The following KCNIP1 variants were observed in gnomAD, a reference collection of about 807,000 sequenced individuals.
KCNIP1 encodes potassium voltage-gated channel interacting protein 1, also known as A-type potassium channel modulatory protein KCNIP1.
KCNIP1 carries 18 observed loss-of-function variants against 33.0 expected under a neutral mutation model. The observed-to-expected ratio is 0.55, with a 90% CI of 0.38 to 0.81. KCNIP1 has a LOEUF of 0.81. KCNIP1 is among the 30% of genes least tolerant of loss of function. The pLI is 0.00. For missense variants in KCNIP1, 238 were observed against 271.6 expected, an observed-to-expected ratio of 0.88 and a Z score of 0.87; for synonymous variants, 93 against 98.3, an observed-to-expected ratio of 0.95 and a Z score of 0.32.
At chr5:170,694,476 G>A (rs1317091563) in intron 1 of KCNIP1, among the ~76,000 whole-genome samples, 3 of 152,080 alleles carry the variant, frequency 2.0e-5, no homozygotes, top group Non-Finnish European at 4.4e-5. Context: ...ATGAGGAGAT[G>A]GTCTCTGTCA....
intron 1 of KCNIP1, among the ~76,000 whole-genome samples, chr5:170,554,275 T>C (rs2113431412): frequency 6.6e-6 from 1 of 152,270 alleles, no homozygotes; most frequent in Middle Eastern, 3.4e-3. Context: ...ACTGGGTTGG[T>C]GAAGACTAAG....
intron 1 of KCNIP1, among the ~76,000 whole-genome samples, chr5:170,437,022 A>G (rs949998879): frequency 4.6e-5 from 7 of 152,268 alleles, no homozygotes; most frequent in African/African-American, 1.4e-4. Flanking sequence ...CCAAAGAAAC[A>G]GGGACATCTA....
chr5:170,598,072 G>A (rs1054334013), intron 1 of KCNIP1, among the ~76,000 whole-genome samples: 1 of 152,090 alleles, frequency 6.6e-6, no homozygotes, highest in Non-Finnish European at 1.5e-5. Flanking sequence ...ACTTCAGATC[G>A]GAACAAATCA....
chr5:170,601,839 C>T (rs1006341118), intron 1 of KCNIP1, among the ~76,000 whole-genome samples: 2 of 152,148 alleles, frequency 1.3e-5, no homozygotes, highest in African/African-American at 2.4e-5. Flanking sequence ...CTGCGGACGT[C>T]GAGCAGGGGC....
At chr5:170,520,801 T>G (rs1755337214) in intron 1 of KCNIP1, among the ~76,000 whole-genome samples, 1 of 152,186 alleles carries the variant, frequency 6.6e-6, no homozygotes, top group African/African-American at 2.4e-5. Flanking sequence ...CAGACACCAC[T>G]TCCTTCAGGG....
At chr5:170,437,239 T>G (rs1188419907) in intron 1 of KCNIP1, among the ~76,000 whole-genome samples, 3 of 152,224 alleles carry the variant, frequency 2.0e-5, no homozygotes, top group African/African-American at 7.2e-5. Context: ...GAAGGTTTCA[T>G]GACCCACTTG....
intron 1 of KCNIP1, among the ~76,000 whole-genome samples, chr5:170,415,909 C>G (rs1755317365): frequency 6.6e-6 from 1 of 152,130 alleles, no homozygotes; most frequent in African/African-American, 2.4e-5. Context: ...AAGAACACTC[C>G]AGGCAGAGGG....
At chr5:170,540,677 C>G (rs1192832820) in intron 1 of KCNIP1, among the ~76,000 whole-genome samples, 1 of 152,176 alleles carries the variant, frequency 6.6e-6, no homozygotes, top group Admixed American at 6.5e-5. Flanking sequence ...ATATCAGAAA[C>G]TCCAGTGGGC....
intron 1 of KCNIP1, among the ~76,000 whole-genome samples, chr5:170,587,505 T>C (rs10068024): frequency 0.015 from 2,317 of 151,556 alleles, 59 homozygotes; most frequent in African/African-American, 0.053. Context: ...ATGAGTCTTA[T>C]GGGACTCAAA....
chr5:170,495,628 C>G (rs1757295515), intron 1 of KCNIP1, among the ~76,000 whole-genome samples: 1 of 152,214 alleles, frequency 6.6e-6, no homozygotes, highest in South Asian at 2.1e-4. Flanking sequence ...AGGGCAAACC[C>G]CTCTTGCTCC....
intron 1 of KCNIP1, among the ~76,000 whole-genome samples, chr5:170,507,768 T>G (rs1754774043): frequency 6.6e-6 from 1 of 152,184 alleles, no homozygotes; most frequent in African/African-American, 2.4e-5. Flanking sequence ...CAGGGAGCGC[T>G]CTCTAAAGGC....
intron 1 of KCNIP1, among the ~76,000 whole-genome samples, chr5:170,442,806 A>C (rs1367160461): frequency 6.6e-6 from 1 of 152,202 alleles, no homozygotes; most frequent in African/African-American, 2.4e-5. Flanking sequence ...GGGGACAGGA[A>C]TGGAGGCAGG....
rs766850348 is a variant in KCNIP1 at position 170,416,407 on chromosome 5, G to A, written c.88+62443G>A. ...GGATCCTCCACTTCCGGCTCCTCCC[G>A]GAAGTCAGCTTAAAGAAATGATGCG... On this transcript the variant is annotated intron_variant, in intron 1 of 7. Transcript: ENST00000377360. Among the ~76,000 whole-genome samples, 15 of 152,216 alleles carry A rather than the reference G, an allele frequency of 9.9e-5. No homozygotes were observed. In the South Asian group the frequency reaches 1.0e-3, roughly 11 times the overall value.
Position 170,664,607 on chromosome 5 carries a change from G to A in KCNIP1, c.62-54151G>A, listed in dbSNP as rs866108370. ...ATTACAGGCATGAGCCACCACTCCC[G>A]GCCCTCTGCATTCTTCTATTTAAAA... On this transcript the variant is annotated intron_variant, in intron 1 of 7. Coordinates refer to ENST00000328939, the MANE Select transcript of KCNIP1 (RefSeq NM_014592.4). Among the ~76,000 whole-genome samples the A allele has an allele frequency of 4.6e-5, 7 of 152,152 alleles. No individual in the cohort carries two copies. In the South Asian group the frequency reaches 6.2e-4, roughly 14 times the overall value.
At chr5:170,540,324 C>T (rs926628089) in intron 1 of KCNIP1, among the ~76,000 whole-genome samples, 9 of 152,226 alleles carry the variant, frequency 5.9e-5, no homozygotes, top group African/African-American at 2.2e-4. Context: ...CCTCACTCCA[C>T]CCTGCAAAAG....
chr5:170,450,656 A>C (rs983215819), intron 1 of KCNIP1, among the ~76,000 whole-genome samples: 4 of 152,072 alleles, frequency 2.6e-5, no homozygotes, highest in African/African-American at 4.8e-5. Context: ...ACATCTCAAG[A>C]ATTAAAGATT....
chr5:170,578,833 A>G (rs931981528), intron 1 of KCNIP1, among the ~76,000 whole-genome samples: 1 of 152,222 alleles, frequency 6.6e-6, no homozygotes, highest in African/African-American at 2.4e-5. Context: ...ACATATGAAT[A>G]TAACATATGA....
In KCNIP1 at chr5:170,590,004, G is replaced by C. The variant is rs940429777; in HGVS notation, c.61+85371G>C. ...TTTCCCCCTCTGCAAAATGGGAATGGGGATGGCTCAGAACTCCCAGCGGGA... is the reference window on the plus strand; with the variant it reads ...TTTCCCCCTCTGCAAAATGGGAATGCGGATGGCTCAGAACTCCCAGCGGGA... On this transcript the variant is annotated intron_variant, in intron 1 of 7. Coordinates refer to ENST00000328939, the MANE Select transcript of KCNIP1 (RefSeq NM_014592.4). Among the ~76,000 whole-genome samples, 5 of 152,268 alleles carry C rather than the reference G, an allele frequency of 3.3e-5. 1 individual carries two copies. Among genetic ancestry groups the C allele is most frequent in the African/African-American group, 1.2e-4 (5 of 41,548 alleles).
intron 1 of KCNIP1, among the ~76,000 whole-genome samples, chr5:170,544,187 C>A (rs768202413): frequency 6.6e-6 from 1 of 151,946 alleles, no homozygotes; most frequent in Non-Finnish European, 1.5e-5. Flanking sequence ...CCGAGGCCAG[C>A]GAATCACCTG....
Sources: allele counts gnomAD v4.1 joint callset (sites outside exome capture counted in the v4.1 genomes callset), GRCh38; gene constraint gnomAD v4.1.1; transcripts MANE v1.5; gene names NCBI Gene and HGNC (gene_info 2026-07-23, HGNC 2026-07-21).